Variants in ZBTB45 observed in about 807,000 individuals in gnomAD.
ZBTB45 encodes the protein zinc finger and BTB domain containing 45.
Under a neutral mutation model 28.4 loss-of-function variants are expected in ZBTB45, and 22 were observed. That is an observed-to-expected ratio of 0.77 (90% confidence interval 0.55 to 1.10). The LOEUF (loss-of-function observed/expected upper bound fraction) is 1.10. Ranked by LOEUF, ZBTB45 falls within the 50% of genes least tolerant of loss-of-function variation. The pLI, the probability that ZBTB45 is intolerant of heterozygous loss-of-function variation, is 0.00. For synonymous variants in ZBTB45, 361 were observed against 332.3 expected (o/e 1.09, Z -0.94); for missense variants, 656 against 750.2 (o/e 0.87, Z 1.47).
chr19:58,526,092 G>A (rs959889624), intron 1 of ZBTB45, among the ~76,000 whole-genome samples: 1 of 151,996 alleles, frequency 6.6e-6, no homozygotes, highest in Non-Finnish European at 1.5e-5. Context: ...GCTGGGCATG[G>A]TGGCACATGC....
intron 1 of ZBTB45, chr19:58,519,406 C>T (rs975569723): frequency 6.6e-6 from 1 of 152,344 alleles, no homozygotes; most frequent in Non-Finnish European, 1.5e-5. Flanking sequence ...CCGGCCTGGA[C>T]ACTTCAGAAC....
intron 1 of ZBTB45, 54 bp from the exon 2 acceptor site, chr19:58,517,727 C>T: frequency 6.6e-7 from 1 of 1,523,958 alleles, no homozygotes; most frequent in Non-Finnish European, 9.0e-7. Flanking sequence ...CCCCATCTGT[C>T]CCAACGTCCC....
At chr19:58,535,356 C>G (rs962186818) in intron 1 of ZBTB45, among the ~76,000 whole-genome samples, 3 of 151,910 alleles carry the variant, frequency 2.0e-5, no homozygotes, top group Non-Finnish European at 4.4e-5. Flanking sequence ...GACACGGGGC[C>G]AGGCACAGTG....
chr19:58,516,503 T>C lies in ZBTB45; in HGVS notation c.1171A>G (p.Thr391Ala). 1 of 1,613,378 alleles carries C rather than the reference T, an allele frequency of 6.2e-7. No individual in the cohort carries two copies. The highest frequency in any genetic ancestry group is 2.2e-5 in the East Asian group (1 of 44,858). The change falls in exon 2 of 3, where the codon ACC becomes GCC. Residue 391 changes from threonine (T) to alanine (A), a missense_variant. By Grantham distance (58) the Thr-to-Ala change is moderately conservative. Coordinates refer to ENST00000594051, the MANE Select transcript of ZBTB45 (RefSeq NM_001316979.2). The surrounding 1 kb of genome is among the most constrained non-coding windows in gnomAD (Gnocchi z 6.2). ...TCAGCACCTGGGGTGCGAGCAGGGG[T>C]GCCTGAGGGGGCCGTGGTGGGAGCA... ...SAAPTTAPSG[T>A]PARTPGAEPP...
chr19:58,516,854 G>A lies in ZBTB45; in HGVS notation c.820C>T (p.Arg274Trp), dbSNP rs1242029057. Residue 274 changes from arginine (R) to tryptophan (W), a missense_variant, in exon 2 of 3, where the codon CGG becomes TGG. Arg to Trp is a moderately radical substitution (Grantham distance 101, BLOSUM62 -3). Coordinates refer to ENST00000594051, the MANE Select transcript of ZBTB45 (RefSeq NM_001316979.2). The surrounding 1 kb of genome is among the most constrained non-coding windows in gnomAD (Gnocchi z 6.2). Reference protein sequence around the residue: ...DYSGAGRDFLRGAGSAEDVFP... With the variant: ...DYSGAGRDFLWGAGSAEDVFP... ...ACGTCCTCAGCTGACCCAGCTCCCCGAAGAAAATCTCTCCCGGCACCACTG... is the reference window on the plus strand; with the variant it reads ...ACGTCCTCAGCTGACCCAGCTCCCCAAAGAAAATCTCTCCCGGCACCACTG... 3.1e-6 allele frequency: 5 copies of A among 1,613,540 alleles called. No individual in the cohort carries two copies. Among genetic ancestry groups the A allele is most frequent in the South Asian group, 1.1e-5 (1 of 91,082 alleles).
chr19:58,527,364 A>G (rs2053613350), intron 1 of ZBTB45, among the ~76,000 whole-genome samples: 2 of 152,046 alleles, frequency 1.3e-5, no homozygotes, highest in South Asian at 4.1e-4. Context: ...AACCTTCACC[A>G]CTGTCCTGTT....
chr19:58,517,771 G>C (rs536288069), intron 1 of ZBTB45, 98 bp from the exon 2 acceptor site: 13 of 1,164,266 alleles, frequency 1.1e-5, no homozygotes, highest in African/African-American at 1.5e-5. Context: ...GACAGGGCTC[G>C]AGTGCACCAC....
At position 58,516,523 on chromosome 19, in the gene ZBTB45, G is replaced by T. The variant is rs777678588; in HGVS notation, c.1151C>A (p.Pro384His). ...LGEVPAPSAAPTTAPSGTPAR... is the reference protein window; with the variant it reads ...LGEVPAPSAAHTTAPSGTPAR... Reference sequence around the variant, plus strand: ...AGGGGTGCCTGAGGGGGCCGTGGTGGGAGCAGCAGAGGGAGCCGGGACCTC... The same window carrying T: ...AGGGGTGCCTGAGGGGGCCGTGGTGTGAGCAGCAGAGGGAGCCGGGACCTC... Residue 384 changes from proline to histidine, a missense_variant, in exon 2 of 3, where the codon CCC (proline) becomes CAC (histidine). By Grantham distance (77) the Pro-to-His change is moderately conservative (BLOSUM62 -2). Coordinates refer to ENST00000594051, the MANE Select transcript of ZBTB45 (RefSeq NM_001316979.2). This position sits in a 1 kb window ranked among gnomAD's most constrained non-coding sequence, Gnocchi z 6.2. 1.2e-6 allele frequency: 2 copies of T among 1,612,632 alleles called. No homozygotes were observed. Among genetic ancestry groups the T allele is most frequent in the Admixed American group, 1.7e-5 (1 of 59,890 alleles).
intron 1 of ZBTB45, among the ~76,000 whole-genome samples, chr19:58,537,859 CAG>C (rs72274640): frequency 0.37 from 55,013 of 148,634 alleles, 10,443 homozygotes; most frequent in African/African-American, 0.45. Flanking sequence ...TTTTTTGAGA[CAG>C]AGTTTCACTC....
intron 1 of ZBTB45, among the ~76,000 whole-genome samples, chr19:58,517,967 GA>G (rs1411783445): frequency 1.3e-5 from 2 of 151,602 alleles, no homozygotes; most frequent in East Asian, 3.9e-4. Flanking sequence ...CACTGCTCCC[GA>G]AAAGGTTCAG....
chr19:58,514,766 C>A lies in ZBTB45; in HGVS notation c.1280-456G>T, dbSNP rs576090973. On this transcript the variant is annotated intron_variant, in intron 2 of 2. Transcript: ENST00000594051. ...AGGTACCCTCCCCCTCAACCCCTAC[C>A]CACCCGGCACAGGGAGACACTGGGT... 3.8e-4 allele frequency among the ~76,000 whole-genome samples: 58 copies of A among 152,238 alleles called. 2 individuals are homozygous for A. In the South Asian group the frequency reaches 0.012, roughly 30 times the overall value.
chr19:58,524,433 ATATGTGTGTGTG>A (rs2053596099), upstream of ZBTB45, among the ~76,000 whole-genome samples: 8 of 111,718 alleles, frequency 7.2e-5, no homozygotes, highest in South Asian at 6.4e-4. Flanking sequence ...GTGTGTTCAT[ATATGTGTGTGTG>A]TGTGTGTGTG....
chr19:58,518,258 C>G (rs893656108), intron 1 of ZBTB45, among the ~76,000 whole-genome samples: 1 of 152,216 alleles, frequency 6.6e-6, no homozygotes, highest in African/African-American at 2.4e-5. Flanking sequence ...TGCCTCAGAA[C>G]CAGGTCACCT....
chr19:58,517,628 A>G lies in ZBTB45; in HGVS notation c.46T>C (p.Ser16Pro), dbSNP rs754730822. ...TTGAGGGTCTCAAGCAGAGAGCGTG[A>G]GAAGTTCTGCAGGTGTATGTGATGC... ...AVHHIHLQNF[S>P]RSLLETLNGQ... The change falls in exon 2 of 3, where the codon TCA (serine) becomes CCA (proline). Residue 16 changes from serine (S) to proline (P), a missense_variant. Physicochemically the swap from Ser to Pro is moderately conservative, Grantham distance 74. Coordinates refer to ENST00000594051, the MANE Select transcript of ZBTB45 (RefSeq NM_001316979.2). 6.2e-7 allele frequency: 1 copy of G among 1,613,880 alleles called. No homozygotes were observed. Among genetic ancestry groups the G allele is most frequent in the Non-Finnish European group, 8.5e-7 (1 of 1,179,942 alleles).
chr19:58,533,397 C>T (rs1451421026), intron 1 of ZBTB45, among the ~76,000 whole-genome samples: 1 of 152,096 alleles, frequency 6.6e-6, no homozygotes, highest in African/African-American at 2.4e-5. Flanking sequence ...TCCACAGCAA[C>T]GATGCATAGA....
At chr19:58,521,968 T>C (rs1205444745), upstream of ZBTB45, among the ~76,000 whole-genome samples, 2 of 152,014 alleles carry the variant, frequency 1.3e-5, no homozygotes, top group South Asian at 2.1e-4. Flanking sequence ...GATTGTGTTG[T>C]AGATGTGGTA....
upstream of ZBTB45, among the ~76,000 whole-genome samples, chr19:58,524,431 A>ATGTG (rs1491458297): frequency 5.3e-5 from 5 of 95,006 alleles, no homozygotes; most frequent in African/African-American, 3.0e-4. Flanking sequence ...GTGTGTGTTC[A>ATGTG]TATATGTGTG....
At chr19:58,526,826 C>A (rs900453211) in intron 1 of ZBTB45, among the ~76,000 whole-genome samples, 1 of 151,632 alleles carries the variant, frequency 6.6e-6, no homozygotes, top group Non-Finnish European at 1.5e-5. Flanking sequence ...CCACCGCGCC[C>A]GGCCTATTAT....
chr19:58,528,938 G>A (rs1313620661), intron 1 of ZBTB45, among the ~76,000 whole-genome samples: 3 of 151,848 alleles, frequency 2.0e-5, no homozygotes, highest in African/African-American at 7.3e-5. Flanking sequence ...AGAAAAATTA[G>A]CCAGGTGTGG....
Sources: gnomAD v4.1 joint callset for allele counts (sites outside exome capture counted in the v4.1 genomes callset) on GRCh38, gnomAD v4.1.1 for gene constraint, Gnocchi (gnomAD v3.1) non-coding constraint, MANE v1.5 for transcripts, NCBI Gene and HGNC (gene_info 2026-07-23, HGNC 2026-07-21) for gene names.